RASA2: variants seen among roughly 807,000 people sequenced by gnomAD.
RASA2 encodes the protein ras GTPase-activating protein 2.
In RASA2, 155 loss-of-function variants were observed where a neutral mutation model predicts 118.2. That is an observed-to-expected ratio of 1.31 (90% CI 1.15 to 1.50). The LOEUF (loss-of-function observed/expected upper bound fraction) is 1.50. Ranked by LOEUF, RASA2 falls within the 40% of genes most tolerant of loss-of-function variation. The pLI is 0.00. For synonymous variants in RASA2, 353 were observed against 349.1 expected (o/e 1.01, Z -0.12); for missense variants, 1,016 against 1,009.6 (o/e 1.01, Z -0.09).
chr3:141,553,840 C>A lies in RASA2; in HGVS notation c.528-17C>A. On this transcript the variant is annotated splice_polypyrimidine_tract_variant and intron_variant, in intron 5 of 23. Coordinates refer to ENST00000286364, the MANE Select transcript of RASA2 (RefSeq NM_006506.5). ...AACTGGAATCTAATATGTTAAATCT[C>A]TTTTATTCTACCTTAGCATCAAGGC... is the stretch of plus-strand genomic sequence containing the variant. 1 of 1,600,208 alleles carries A rather than the reference C, an allele frequency of 6.2e-7. No homozygotes were observed. The highest frequency in any genetic ancestry group is 8.5e-7 in the Non-Finnish European group (1 of 1,174,932).
intron 19 of RASA2, among the ~76,000 whole-genome samples, chr3:141,605,661 C>G (rs2083536064): frequency 6.6e-6 from 1 of 151,964 alleles, no homozygotes; most frequent in Admixed American, 6.6e-5. Flanking sequence ...GTCTCTTCCC[C>G]CCCAATTTCT....
At chr3:141,544,067 G>T (rs921452707) in intron 5 of RASA2, among the ~76,000 whole-genome samples, 1 of 151,282 alleles carries the variant, frequency 6.6e-6, no homozygotes, top group Non-Finnish European at 1.5e-5. Flanking sequence ...GTAGAAACAG[G>T]GTTTCGCCAT....
At chr3:141,490,862 C>G (rs138262709) in intron 1 of RASA2, among the ~76,000 whole-genome samples, 1 of 152,170 alleles carries the variant, frequency 6.6e-6, no homozygotes, top group Non-Finnish European at 1.5e-5. Flanking sequence ...ACCTATCTCA[C>G]GGGTTGTTAT....
intron 19 of RASA2, among the ~76,000 whole-genome samples, chr3:141,587,486 A>C (rs112607673): frequency 0.036 from 5,462 of 152,062 alleles, 347 homozygotes; most frequent in African/African-American, 0.12. Flanking sequence ...CCAAGGTGGG[A>C]GGATTACTTG....
At position 141,574,008 on chromosome 3, in the gene RASA2, C is replaced by T; in HGVS notation, c.1424C>T (p.Pro475Leu). ...NTIVKSSMSC[P>L]TVMCDIFYSL... ...ATTGTAAAATCAAGTATGAGCTGCC[C>T]CACTGTAATGTGTGATATCTTTTAT... Residue 475 changes from proline (P) to leucine (L), a missense_variant, in exon 14 of 24, where the codon CCC (proline) becomes CTC (leucine). Coordinates refer to ENST00000286364, the MANE Select transcript of RASA2 (RefSeq NM_006506.5). 3 of 1,588,842 alleles carry T rather than the reference C, an allele frequency of 1.9e-6. No individual in the cohort carries two copies. Among genetic ancestry groups the T allele is most frequent in the Non-Finnish European group, 2.6e-6 (3 of 1,161,768 alleles).
rs546612854 is a variant in RASA2, at chr3:141,502,643, T to C, written c.134-9520T>C. Among the ~76,000 whole-genome samples, 23 of 152,284 alleles carry C rather than the reference T, an allele frequency of 1.5e-4. No individual in the cohort carries two copies. In the South Asian group the frequency reaches 4.6e-3, roughly 30 times the overall value. ...AAATATATATCATTCAGAAGAGTTA[T>C]TGTGAAGATTAAGTAAAATAATATA... is the stretch of plus-strand genomic sequence containing the variant. On this transcript the variant is annotated intron_variant, in intron 1 of 23. Transcript: ENST00000286364.
chr3:141,609,226 T>C (rs1342356058), intron 21 of RASA2, among the ~76,000 whole-genome samples, 194 bp from the exon 22 acceptor site: 1 of 152,316 alleles, frequency 6.6e-6, no homozygotes, highest in East Asian at 1.9e-4. Flanking sequence ...TTTCCCTCCT[T>C]CTGATTAGAG....
chr3:141,558,860 T>A (rs752699282), intron 7 of RASA2, 26 bp from the exon 8 acceptor site: 31 of 1,518,702 alleles, frequency 2.0e-5, no homozygotes, highest in East Asian at 4.7e-5. Context: ...TTAAAAAAAA[T>A]TTTTACTAAA....
chr3:141,613,731 A>T lies in RASA2; in HGVS notation c.*1418A>T, dbSNP rs2083686895. ...TTGCCAATTTTGTTATTGGTGGGTAATCATTTTTAAATTATATTGTTATTA... is the reference window on the plus strand; with the variant it reads ...TTGCCAATTTTGTTATTGGTGGGTATTCATTTTTAAATTATATTGTTATTA... On this transcript the variant is annotated 3_prime_UTR_variant, in exon 24 of 24. Coordinates refer to ENST00000286364, the MANE Select transcript of RASA2 (RefSeq NM_006506.5). 6.6e-6 allele frequency: 1 copy of T among 152,180 alleles called. No individual in the cohort carries two copies. The highest frequency in any genetic ancestry group is 1.5e-5 in the Non-Finnish European group (1 of 68,038). 9.4% of individuals were successfully genotyped at this position (152,180 alleles called of 1,614,324 possible).
intron 19 of RASA2, among the ~76,000 whole-genome samples, chr3:141,605,505 A>G (rs539375518): frequency 1.6e-4 from 25 of 152,240 alleles, no homozygotes; most frequent in African/African-American, 5.8e-4. Flanking sequence ...CTGTGTTACA[A>G]TTTGTCCAGA....
chr3:141,586,497 T>C (rs1440844862), intron 18 of RASA2, 149 bp from the exon 19 acceptor site: 2 of 530,064 alleles, frequency 3.8e-6, no homozygotes, highest in Non-Finnish European at 6.5e-6. Flanking sequence ...CCAAAATAAA[T>C]GCAACAGTCA....
intron 15 of RASA2, among the ~76,000 whole-genome samples, chr3:141,580,090 A>G (rs1269085423): frequency 1.1e-5 from 1 of 91,798 alleles, no homozygotes; most frequent in Non-Finnish European, 2.0e-5. Flanking sequence ...AAAAAAATAT[A>G]TATATATATA....
Position 141,516,431 on chromosome 3 carries a change from G to A in RASA2, c.355G>A (p.Gly119Arg). ...TGTTTTACAAAGAGATCTCCGTATA[G>A]GTATGTACTATTCATAATTATCTTT... ...KNVLQRDLRI[G>R]KVAIKKEDLC... Residue 119 changes from glycine to arginine, a missense_variant and splice_region_variant, in exon 3 of 24, where the codon GGA becomes AGA. Around this residue, in one of 2 missense-constraint regions of RASA2, gnomAD observed 896 missense variants for 836.4 expected, o/e 1.07. Coordinates refer to ENST00000286364, the MANE Select transcript of RASA2 (RefSeq NM_006506.5). 6.8e-7 allele frequency: 1 copy of A among 1,475,262 alleles called. No homozygotes were observed. The highest frequency in any genetic ancestry group is 9.0e-7 in the Non-Finnish European group (1 of 1,109,322). 91.4% of individuals were successfully genotyped at this position (1,475,262 alleles called of 1,614,324 possible).
At chr3:141,608,256 T>C (rs1483149247) in intron 20 of RASA2, among the ~76,000 whole-genome samples, 1 of 152,208 alleles carries the variant, frequency 6.6e-6, no homozygotes, top group African/African-American at 2.4e-5. Context: ...GATAGTCCAT[T>C]CCTTTGGATA....
intron 1 of RASA2, among the ~76,000 whole-genome samples, chr3:141,496,787 C>G (rs1228507240): frequency 6.6e-6 from 1 of 152,140 alleles, no homozygotes; most frequent in African/African-American, 2.4e-5. Context: ...ACTAGAAATA[C>G]CATTTGACCC....
At chr3:141,500,491 T>C (rs2081763350) in intron 1 of RASA2, among the ~76,000 whole-genome samples, 1 of 152,256 alleles carries the variant, frequency 6.6e-6, no homozygotes, top group Non-Finnish European at 1.5e-5. Flanking sequence ...GCTACTTTTC[T>C]ACTAATCACT....
At chr3:141,552,890 C>T (rs534671915) in intron 5 of RASA2, among the ~76,000 whole-genome samples, 91 of 152,262 alleles carry the variant, frequency 6.0e-4, no homozygotes, top group African/African-American at 2.1e-3. Context: ...ATGAGTTTCT[C>T]TTAGGCATTA....
At chr3:141,611,611 C>T (rs1303978172) in intron 23 of RASA2, among the ~76,000 whole-genome samples, 1 of 152,160 alleles carries the variant, frequency 6.6e-6, no homozygotes, top group African/African-American at 2.4e-5. Flanking sequence ...TGCCCAAGGT[C>T]ACACAGCTGA....
chr3:141,588,261 T>C (rs1178360229), intron 19 of RASA2, among the ~76,000 whole-genome samples: 1 of 152,220 alleles, frequency 6.6e-6, no homozygotes, highest in Non-Finnish European at 1.5e-5. Context: ...AATAAACCTC[T>C]TGGTAGTGGG....
Sources: allele counts gnomAD v4.1 joint callset (sites outside exome capture counted in the v4.1 genomes callset), GRCh38; gene constraint gnomAD v4.1.1; regional missense constraint gnomAD v4.1.1; transcripts MANE v1.5; gene names NCBI Gene and HGNC (gene_info 2026-07-23, HGNC 2026-07-21).